ADGRV1: variants seen among roughly 807,000 people sequenced by gnomAD.
ADGRV1 encodes G-protein coupled receptor 98.
A neutral mutation model predicts 596.2 loss-of-function variants in ADGRV1; 359 were observed. The observed-to-expected ratio is 0.60, with a 90% CI of 0.55 to 0.66. ADGRV1 has a LOEUF of 0.66. Ranked by LOEUF, ADGRV1 falls within the 30% of genes least tolerant of loss-of-function variation. ADGRV1 has a pLI of 0.00. For synonymous variants in ADGRV1, 2,681 were observed against 2,679.2 expected (o/e 1.00, Z -0.02); for missense variants, 7,274 against 7,575.6 (o/e 0.96, Z 1.48).
chr5:90,817,104 C>G (rs1292078000), intron 75 of ADGRV1, among the ~76,000 whole-genome samples: 1 of 152,220 alleles, frequency 6.6e-6, no homozygotes, highest in Non-Finnish European at 1.5e-5. Flanking sequence ...GATTGCCGTT[C>G]TAACTGGTGT....
chr5:91,065,004 T>G (rs777878184), intron 85 of ADGRV1, among the ~76,000 whole-genome samples: 5 of 152,222 alleles, frequency 3.3e-5, no homozygotes, highest in Non-Finnish European at 5.9e-5. Context: ...TCATAAATAG[T>G]GTCTTAGACT....
In ADGRV1 at chr5:90,721,015, T is replaced by A. The variant is rs1750850304; in HGVS notation, c.9704T>A (p.Val3235Glu). Reference sequence around the variant, plus strand: ...CGAACTAATGGCATTGATTTGGCTGTGAGTGTGCAGTGGGAGACAGTATCT... The same window carrying A: ...CGAACTAATGGCATTGATTTGGCTGAGAGTGTGCAGTGGGAGACAGTATCT... ...VSRTNGIDLA[V>E]SVQWETVSET... Residue 3235 changes from valine (V) to glutamate (E), a missense_variant, in exon 45 of 90, where the codon GTG becomes GAG. Val to Glu is a moderately radical substitution (Grantham distance 121). Coordinates refer to ENST00000405460, the MANE Select transcript of ADGRV1 (RefSeq NM_032119.4). The A allele has an allele frequency of 1.2e-6, 2 of 1,612,908 alleles. No individual in the cohort carries two copies. The highest frequency in any genetic ancestry group is 1.7e-6 in the Non-Finnish European group (2 of 1,179,186).
chr5:90,778,533 C>A lies in ADGRV1; in HGVS notation c.12773C>A (p.Thr4258Lys). The A allele has an allele frequency of 6.2e-7, 1 of 1,612,686 alleles. No homozygotes were observed. Among genetic ancestry groups the A allele is most frequent in the South Asian group, 1.1e-5 (1 of 90,892 alleles). ...LSESSSTANI[T>K]VVASDSPYGR... ...GAATCCAGCAGCACTGCCAACATCA[C>A]GGTGGTGGCCAGCGACTCTCCCTAT... is the stretch of plus-strand genomic sequence containing the variant. Residue 4258 changes from threonine (T) to lysine (K), a missense_variant, in exon 63 of 90, where the codon ACG becomes AAG. This residue lies in a region of ADGRV1 where 3,643 missense variants were observed against 3,809.2 expected (regional missense o/e 0.96). Coordinates refer to ENST00000405460, the MANE Select transcript of ADGRV1 (RefSeq NM_032119.4).
At chr5:91,003,169 C>T (rs1350313810) in intron 85 of ADGRV1, among the ~76,000 whole-genome samples, 2 of 152,094 alleles carry the variant, frequency 1.3e-5, no homozygotes, top group Non-Finnish European at 2.9e-5. Flanking sequence ...GGATGGACTG[C>T]TAGCATAAGA....
At chr5:91,055,304 A>G (rs1418835606) in intron 85 of ADGRV1, among the ~76,000 whole-genome samples, 1 of 152,078 alleles carries the variant, frequency 6.6e-6, no homozygotes, top group Non-Finnish European at 1.5e-5. Context: ...AAAATGAAAT[A>G]TGAATACAGT....
intron 87 of ADGRV1, among the ~76,000 whole-genome samples, chr5:91,110,159 C>T (rs999828941): frequency 1.3e-5 from 2 of 152,148 alleles, no homozygotes; most frequent in African/African-American, 4.8e-5. Flanking sequence ...TTTGTCATTT[C>T]TAAGGGGATT....
At chr5:90,984,711 C>G (rs544531947) in intron 84 of ADGRV1, among the ~76,000 whole-genome samples, 1 of 152,262 alleles carries the variant, frequency 6.6e-6, no homozygotes, top group South Asian at 2.1e-4. Context: ...ATTTAGTAAG[C>G]AATAAATATT....
intron 83 of ADGRV1, among the ~76,000 whole-genome samples, chr5:90,928,266 C>T (rs904320442): frequency 3.3e-5 from 5 of 152,126 alleles, no homozygotes; most frequent in African/African-American, 9.7e-5. Context: ...CTTTCAGGTA[C>T]ACCAATCAGA....
intron 85 of ADGRV1, among the ~76,000 whole-genome samples, chr5:91,038,937 G>C (rs1785117644): frequency 6.6e-6 from 1 of 151,944 alleles, no homozygotes; most frequent in African/African-American, 2.4e-5. Context: ...TTTACACTGG[G>C]GTGTGATGCC....
At position 90,848,824 on chromosome 5, in the gene ADGRV1, A is replaced by G; in HGVS notation, c.17204+3A>G. 1.3e-6 allele frequency: 2 copies of G among 1,576,208 alleles called. No individual in the cohort carries two copies. The highest frequency in any genetic ancestry group is 2.3e-5 in the East Asian group (1 of 42,554). On this transcript the variant is annotated splice_donor_region_variant and intron_variant, in intron 79 of 89. Transcript: ENST00000405460. ...ACTTGCGGCTCTCCTGGTGAAAAGT[A>G]AGTATCTTTTAATATATTAGCAGTA...
intron 86 of ADGRV1, among the ~76,000 whole-genome samples, chr5:91,101,010 G>T (rs988382544): frequency 6.6e-6 from 1 of 150,582 alleles, no homozygotes; most frequent in Non-Finnish European, 1.5e-5. Flanking sequence ...AACTATACAC[G>T]ACTGGATCTC....
chr5:90,657,151 C>A (rs1212766275), intron 20 of ADGRV1, among the ~76,000 whole-genome samples: 1 of 151,114 alleles, frequency 6.6e-6, no homozygotes, highest in Non-Finnish European at 1.5e-5. Context: ...GTGGCCCATG[C>A]CTGTAATTGC....
chr5:90,729,780 C>T lies in ADGRV1; in HGVS notation c.10549+16C>T, dbSNP rs1479857449. 3 of 1,611,554 alleles carry T rather than the reference C, an allele frequency of 1.9e-6. No individual in the cohort carries two copies. In the African/African-American group the frequency reaches 4.0e-5, roughly 22 times the overall value. On this transcript the variant is annotated intron_variant, in intron 50 of 89. Coordinates refer to ENST00000405460, the MANE Select transcript of ADGRV1 (RefSeq NM_032119.4). The stretch of plus-strand genomic sequence containing the variant: ...TCAGGAATAGGTAAGGACTTTTCAA[C>T]TGCTCACCAATTCTAAAGGTAGTAT...
In ADGRV1 at chr5:91,116,244, T is replaced by C. The variant is rs1217954001; in HGVS notation, c.18432+13904T>C. Among the ~76,000 whole-genome samples the C allele has an allele frequency of 2.0e-5, 3 of 152,244 alleles. No individual in the cohort carries two copies. The East Asian group carries it at 5.8e-4, about 29-fold the overall frequency. ...TCTGCAAATATTTTAAATAATGTTCTCTTTACTTTGAGAAATGGCATGAAA... is the reference window on the plus strand; with the variant it reads ...TCTGCAAATATTTTAAATAATGTTCCCTTTACTTTGAGAAATGGCATGAAA... On this transcript the variant is annotated intron_variant, in intron 87 of 89. Transcript: ENST00000405460.
Position 90,946,497 on chromosome 5 carries a change from C to T in ADGRV1, c.17857-18918C>T, listed in dbSNP as rs567697202. On this transcript the variant is annotated intron_variant, in intron 83 of 89. Transcript: ENST00000405460. ...AGTTTCAGGATACATGTGCAGGACA[C>T]GTAGGTTTGTTACGTAGGTAAACGT... is the stretch of plus-strand genomic sequence containing the variant. Among the ~76,000 whole-genome samples the T allele has an allele frequency of 2.6e-5, 4 of 151,994 alleles. No individual in the cohort carries two copies. In the East Asian group the frequency reaches 5.8e-4, roughly 22 times the overall value.
intron 75 of ADGRV1, among the ~76,000 whole-genome samples, chr5:90,820,884 G>A (rs376140521): frequency 1.3e-4 from 20 of 152,094 alleles, no homozygotes; most frequent in African/African-American, 4.1e-4. Flanking sequence ...GAATCTGACA[G>A]TTATGTGTCT....
intron 83 of ADGRV1, among the ~76,000 whole-genome samples, chr5:90,952,626 T>A (rs1561991333): frequency 6.6e-6 from 1 of 152,192 alleles, no homozygotes; most frequent in African/African-American, 2.4e-5. Context: ...ACTCCAAATA[T>A]TATTTTATGA....
In ADGRV1 at chr5:90,783,949, A is replaced by C. The variant is rs755055688; in HGVS notation, c.13545A>C (p.Gly4515=). 13 of 1,612,106 alleles carry C rather than the reference A, an allele frequency of 8.1e-6. No individual in the cohort carries two copies. In the East Asian group the frequency reaches 2.5e-4, roughly 30 times the overall value. Residue 4515 remains glycine, a synonymous_variant, in exon 67 of 90, where the codon GGA becomes GGC. Coordinates refer to ENST00000405460, the MANE Select transcript of ADGRV1 (RefSeq NM_032119.4). ...TAGCTAAGAGTGACTCTCCCTTTGG[A>C]GTTATAAGGTTTCTCAATCAAAGCA... ...IIIAKSDSPF[G]VIRFLNQSKI...
At position 90,725,118 on chromosome 5, in the gene ADGRV1, G is replaced by T; in HGVS notation, c.9939G>T (p.Glu3313Asp). The change falls in exon 47 of 90, where the codon GAG (glutamate) becomes GAT (aspartate). Residue 3313 changes from glutamate (E) to aspartate (D), a missense_variant. This residue lies in a region of ADGRV1 where 3,643 missense variants were observed against 3,809.2 expected (regional missense o/e 0.96). Coordinates refer to ENST00000405460, the MANE Select transcript of ADGRV1 (RefSeq NM_032119.4). ...ATATAGAAAATCCTAAAACTTGTGA[G>T]GCCTTTAATATTGGTTTTTCTCCCT... Reference protein sequence around the residue: ...DLNIENPKTCEAFNIGFSPYF... With the variant: ...DLNIENPKTCDAFNIGFSPYF... 1 of 1,536,384 alleles carries T rather than the reference G, an allele frequency of 6.5e-7. No homozygotes were observed. The highest frequency in any genetic ancestry group is 8.8e-7 in the Non-Finnish European group (1 of 1,131,368).
Sources: allele counts gnomAD v4.1 joint callset (sites outside exome capture counted in the v4.1 genomes callset), GRCh38; gene constraint gnomAD v4.1.1; regional missense constraint gnomAD v4.1.1; transcripts MANE v1.5; gene names NCBI Gene and HGNC (gene_info 2026-07-23, HGNC 2026-07-21).